KYNU: variants seen among roughly 807,000 people sequenced by gnomAD.
The protein encoded by KYNU is kynureninase, also known as L-kynurenine hydrolase.
A neutral mutation model predicts 59.2 loss-of-function variants in KYNU; 54 were observed. The observed-to-expected ratio is 0.91, with a 90% CI of 0.73 to 1.14. The LOEUF (loss-of-function observed/expected upper bound fraction) is 1.14. KYNU is among the 50% of genes most tolerant of loss of function. The pLI, the probability that KYNU is intolerant of heterozygous loss-of-function variation, is 0.00. For synonymous variants in KYNU, 177 were observed against 192.0 expected (o/e 0.92, Z 0.65); for missense variants, 567 against 554.4 (o/e 1.02, Z -0.23).
At chr2:143,034,091 G>A (rs1340557290) in intron 12 of KYNU, among the ~76,000 whole-genome samples, 3 of 151,454 alleles carry the variant, frequency 2.0e-5, no homozygotes, top group Non-Finnish European at 2.9e-5. Flanking sequence ...TAGACTAAAT[G>A]TGGCCAAGTA....
intron 10 of KYNU, among the ~76,000 whole-genome samples, chr2:143,013,543 A>G (rs902240412): frequency 1.3e-5 from 2 of 152,182 alleles, no homozygotes; most frequent in Admixed American, 1.3e-4. Flanking sequence ...AAAGTTGCAT[A>G]TATGAATGTT....
intron 7 of KYNU, chr2:142,958,076 T>C: frequency 4.0e-6 from 1 of 250,936 alleles, no homozygotes; most frequent in Non-Finnish European, 7.7e-6. Flanking sequence ...AAGACCAGAA[T>C]TATTTGTTAA....
intron 2 of KYNU, among the ~76,000 whole-genome samples, chr2:142,885,867 A>G (rs2104908706): frequency 6.6e-6 from 1 of 152,334 alleles, no homozygotes; most frequent in South Asian, 2.1e-4. Context: ...CAATTATTTT[A>G]GAATGCAGTG....
chr2:142,985,900 G>C (rs1323848035), intron 9 of KYNU, 48 bp from the exon 10 acceptor site: 9 of 1,265,562 alleles, frequency 7.1e-6, no homozygotes, highest in African/African-American at 1.5e-5. Flanking sequence ...GTTTAGTTTT[G>C]TCATATATTT....
chr2:143,022,884 T>C (rs532311957), intron 10 of KYNU, among the ~76,000 whole-genome samples: 1 of 152,072 alleles, frequency 6.6e-6, no homozygotes, highest in South Asian at 2.1e-4. Context: ...TATGTTTTCT[T>C]GATCAATTGG....
At chr2:142,980,949 C>G (rs1418618328) in intron 8 of KYNU, among the ~76,000 whole-genome samples, 1 of 152,010 alleles carries the variant, frequency 6.6e-6, no homozygotes, top group African/African-American at 2.4e-5. Flanking sequence ...TTTGGAGAAC[C>G]ATTAGATTTT....
chr2:143,038,355 C>G (rs937084842), intron 12 of KYNU, among the ~76,000 whole-genome samples: 2 of 152,130 alleles, frequency 1.3e-5, no homozygotes, highest in African/African-American at 4.8e-5. Flanking sequence ...CCTTGCCTGT[C>G]CCTGCTCCTC....
chr2:142,947,458 C>G, intron 4 of KYNU: 1 of 422,274 alleles, frequency 2.4e-6, no homozygotes, highest in South Asian at 4.0e-5. Flanking sequence ...CTTTAAAAGC[C>G]TTTTTCCCAG....
chr2:143,027,166 G>C (rs1355458503), intron 10 of KYNU, among the ~76,000 whole-genome samples: 2 of 151,966 alleles, frequency 1.3e-5, no homozygotes, highest in Non-Finnish European at 2.9e-5. Flanking sequence ...CACAAATCTT[G>C]GTGTACTTCA....
At chr2:142,931,128 A>G (rs1573804109) in intron 4 of KYNU, among the ~76,000 whole-genome samples, 1 of 152,008 alleles carries the variant, frequency 6.6e-6, no homozygotes, top group Non-Finnish European at 1.5e-5. Context: ...CCTGCTTCTG[A>G]TATCTTGCTG....
At chr2:143,029,768 C>T in intron 11 of KYNU, 89 bp downstream of exon 11, 2 of 799,570 alleles carry the variant, frequency 2.5e-6, no homozygotes, top group Non-Finnish European at 4.4e-6. Flanking sequence ...ATGTATATGC[C>T]CCAGGGAGAG....
At chr2:142,884,372 A>G (rs1020000039) in intron 1 of KYNU, among the ~76,000 whole-genome samples, 2 of 152,236 alleles carry the variant, frequency 1.3e-5, no homozygotes, top group Non-Finnish European at 2.9e-5. Context: ...CAATATGTCC[A>G]TAGTTTTAAA....
intron 4 of KYNU, chr2:142,954,020 A>G (rs1684082904): frequency 6.6e-6 from 1 of 152,142 alleles, no homozygotes; most frequent in African/African-American, 2.4e-5. Flanking sequence ...TCTATTACAC[A>G]GGTCTAATTG....
At chr2:142,984,334 G>A (rs1685137185) in intron 8 of KYNU, among the ~76,000 whole-genome samples, 2 of 151,958 alleles carry the variant, frequency 1.3e-5, no homozygotes, top group Admixed American at 1.3e-4. Flanking sequence ...CATGGAAGTG[G>A]ATACAAGTTT....
In KYNU at chr2:142,877,753, G is replaced by A. The variant is rs1293029244; in HGVS notation, c.-20+17G>A. On this transcript the variant is annotated intron_variant, in intron 1 of 13. Transcript: ENST00000264170. ...TCCTAGCTGGTAAGCTTGAGGCGCT[G>A]ATAAAAACTCTCTACCCTAATGTTT... is the stretch of plus-strand genomic sequence containing the variant. 2.6e-5 allele frequency: 4 copies of A among 152,226 alleles called. No homozygotes were observed. The highest frequency in any genetic ancestry group is 9.6e-5 in the African/African-American group (4 of 41,538). The allele number at this position is 152,226 out of a possible 1,614,324, so 9.4% of individuals were successfully genotyped here.
In KYNU at chr2:143,042,631, TGTGTGTGTGTGTGTGTG is replaced by T. The variant is rs1687091842; in HGVS notation, c.*460_*476del. On this transcript the variant is annotated 3_prime_UTR_variant, in exon 14 of 14. Transcript: ENST00000264170. ...ATATATATATATATATATATATATA[TGTGTGTGTGTGTGTGTG>T]TATATATATATATATATATCATATA... 8.0e-6 allele frequency: 1 copy of T among 124,818 alleles called. No individual in the cohort carries two copies. The highest frequency in any genetic ancestry group is 3.3e-5 in the African/African-American group (1 of 30,594). The allele number at this position is 124,818 out of a possible 1,614,324, so 7.7% of individuals were successfully genotyped here. A position where few individuals can be genotyped will look rare whatever the true frequency, so the allele number is the denominator to read the frequency against.
chr2:142,985,031 A>G (rs1160424492), intron 8 of KYNU, 53 bp from the exon 9 acceptor site: 5 of 1,016,650 alleles, frequency 4.9e-6, no homozygotes, highest in African/African-American at 4.7e-5. Context: ...ATTTGTACTT[A>G]TTATTTCTAA....
rs112650065 is a variant in KYNU at position 143,012,605 on chromosome 2, G to T, written c.903-17022G>T. On this transcript the variant is annotated intron_variant, in intron 10 of 13. Transcript: ENST00000264170. ...TTATTTTTTACTGTGTATATTTAAG[G>T]TCTATAACATGATGTATGGGATACA... 1.1e-4 allele frequency among the ~76,000 whole-genome samples: 17 copies of T among 152,162 alleles called. 2 individuals carry two copies. Among genetic ancestry groups the T allele is most frequent in the African/African-American group, 4.1e-4 (17 of 41,518 alleles).
intron 7 of KYNU, among the ~76,000 whole-genome samples, chr2:142,958,578 A>T (rs1684242146): frequency 6.6e-6 from 1 of 152,220 alleles, no homozygotes; most frequent in South Asian, 2.1e-4. Flanking sequence ...GCCAACATAC[A>T]ATAAATTAAT....
Sources: allele counts gnomAD v4.1 joint callset (sites outside exome capture counted in the v4.1 genomes callset), GRCh38; gene constraint gnomAD v4.1.1; transcripts MANE v1.5; gene names NCBI Gene and HGNC (gene_info 2026-07-23, HGNC 2026-07-21).